The following QTMAN variants were observed in gnomAD, a reference collection of about 807,000 sequenced individuals.
QTMAN encodes tRNA-queuosine alpha-mannosyltransferase.
the QTMAN span, among the ~76,000 whole-genome samples, chr2:144,182,478 T>G: frequency 6.6e-6 from 1 of 151,306 alleles, no homozygotes; most frequent in East Asian, 2.0e-4. Flanking sequence ...CTGTCTCTAC[T>G]AAAAATACAA....
the QTMAN span, among the ~76,000 whole-genome samples, chr2:144,034,915 T>C: frequency 1.3e-5 from 2 of 152,342 alleles, no homozygotes; most frequent in East Asian, 3.9e-4. Flanking sequence ...CCAACACTCA[T>C]GGAAAAGAAA....
At chr2:144,182,839 ATTATAT>A in the QTMAN span, among the ~76,000 whole-genome samples, 1 of 68,890 alleles carries the variant, frequency 1.5e-5, no homozygotes, top group South Asian at 3.5e-4. Context: ...ATATATATAT[ATTATAT>A]ATATATTTTA....
the QTMAN span, among the ~76,000 whole-genome samples, chr2:143,983,796 T>G: frequency 6.6e-6 from 1 of 152,190 alleles, no homozygotes. Flanking sequence ...TTACCTTGAA[T>G]TATACATACT....
At chr2:144,033,297 A>G in the QTMAN span, among the ~76,000 whole-genome samples, 2 of 152,336 alleles carry the variant, frequency 1.3e-5, no homozygotes, top group East Asian at 3.9e-4. Flanking sequence ...CAACAGCTAT[A>G]AATTGGTATT....
the QTMAN span, chr2:143,947,047 A>C: frequency 6.3e-7 from 1 of 1,599,894 alleles, no homozygotes; most frequent in Non-Finnish European, 8.6e-7. Flanking sequence ...ACTTAGCCCC[A>C]TCTGTCACAA....
the QTMAN span, among the ~76,000 whole-genome samples, chr2:144,326,707 A>G: frequency 3.3e-5 from 5 of 152,130 alleles, no homozygotes; most frequent in African/African-American, 1.2e-4. Context: ...CTGATAACAG[A>G]ACTTATTGTT....
At chr2:144,009,161 T>C in the QTMAN span, among the ~76,000 whole-genome samples, 8 of 151,956 alleles carry the variant, frequency 5.3e-5, no homozygotes, top group Non-Finnish European at 8.8e-5. Context: ...GTAAAGATAG[T>C]GAACCTCGCT....
chr2:143,961,893 T>C, the QTMAN span, among the ~76,000 whole-genome samples: 1 of 152,262 alleles, frequency 6.6e-6, no homozygotes, highest in South Asian at 2.1e-4. Flanking sequence ...TTGCAGCTGG[T>C]GAATGTTCTG....
the QTMAN span, among the ~76,000 whole-genome samples, chr2:144,266,763 C>T: frequency 1.3e-5 from 2 of 152,178 alleles, no homozygotes; most frequent in Admixed American, 1.3e-4. Context: ...CTACTACTTT[C>T]GGTACATATG....
chr2:144,150,780 G>A, the QTMAN span, among the ~76,000 whole-genome samples: 1 of 152,008 alleles, frequency 6.6e-6, no homozygotes, highest in East Asian at 1.9e-4. Context: ...CATTCACTAT[G>A]GAAAATGTTT....
chr2:143,972,208 A>G, the QTMAN span, among the ~76,000 whole-genome samples: 2 of 152,190 alleles, frequency 1.3e-5, no homozygotes, highest in Non-Finnish European at 2.9e-5. Context: ...AATATGCCAT[A>G]TGCCATCTTC....
the QTMAN span, among the ~76,000 whole-genome samples, chr2:143,998,830 G>A: frequency 8.0e-3 from 1,220 of 151,912 alleles, 18 homozygotes; most frequent in African/African-American, 0.027. Flanking sequence ...TATTTACAAC[G>A]CCTATAAATG....
At chr2:144,279,055 G>A in the QTMAN span, among the ~76,000 whole-genome samples, 1 of 152,158 alleles carries the variant, frequency 6.6e-6, no homozygotes, top group African/African-American at 2.4e-5. Flanking sequence ...GTCAAGTTCA[G>A]TGGCACAATT....
At chr2:144,081,292 A>T in the QTMAN span, among the ~76,000 whole-genome samples, 2 of 152,146 alleles carry the variant, frequency 1.3e-5, no homozygotes, top group Admixed American at 6.5e-5. Context: ...AACAAAAATC[A>T]GAAATATAGG....
At chr2:144,237,940 C>T in the QTMAN span, among the ~76,000 whole-genome samples, 1 of 152,182 alleles carries the variant, frequency 6.6e-6, no homozygotes, top group Admixed American at 6.5e-5. Context: ...TGCCAAATAG[C>T]CAGAATCAAC....
the QTMAN span, among the ~76,000 whole-genome samples, chr2:144,115,277 C>T: frequency 2.0e-5 from 3 of 152,130 alleles, no homozygotes; most frequent in African/African-American, 7.2e-5. Context: ...ACTGAAATCT[C>T]TACGGTGGTT....
At chr2:144,090,676 T>C in the QTMAN span, among the ~76,000 whole-genome samples, 4 of 152,074 alleles carry the variant, frequency 2.6e-5, no homozygotes, top group South Asian at 8.3e-4. Context: ...ATATATCTTA[T>C]ACATCTTTTG....
the QTMAN span, among the ~76,000 whole-genome samples, chr2:144,328,932 G>A: frequency 1.3e-5 from 2 of 152,030 alleles, no homozygotes; most frequent in Non-Finnish European, 2.9e-5. Flanking sequence ...ACTTCCAAGA[G>A]AAATACTTGA....
At chr2:144,026,608 T>G in the QTMAN span, among the ~76,000 whole-genome samples, 1 of 152,050 alleles carries the variant, frequency 6.6e-6, no homozygotes, top group Non-Finnish European at 1.5e-5. Flanking sequence ...CACTGTCAGG[T>G]TCAATTAGTT....
Sources: allele counts gnomAD v4.1 joint callset (sites outside exome capture counted in the v4.1 genomes callset), GRCh38; gene constraint gnomAD v4.1.1; transcripts MANE v1.5; gene names NCBI Gene and HGNC (gene_info 2026-07-23, HGNC 2026-07-21).